Variants in EPB41L5 observed in about 807,000 individuals in gnomAD.
The protein encoded by EPB41L5 is erythrocyte membrane protein band 4.1 like 5.
EPB41L5 carries 55 observed loss-of-function variants against 106.6 expected under a neutral mutation model. The observed-to-expected ratio is 0.52, with a 90% CI of 0.42 to 0.65. The LOEUF is 0.65. EPB41L5 is among the 30% of genes least tolerant of loss of function. The pLI is 0.00. For missense variants in EPB41L5, 871 were observed against 882.1 expected (o/e 0.99, Z 0.16); for synonymous variants, 297 against 306.7 (o/e 0.97, Z 0.33).
intron 21 of EPB41L5, 35 bp from the exon 22 acceptor site, chr2:120,164,801 G>T: frequency 6.8e-7 from 1 of 1,474,028 alleles, no homozygotes; most frequent in South Asian, 1.2e-5. Context: ...TGATAAAGGG[G>T]TCATTTAACA....
At chr2:120,054,584 A>C (rs1574545696) in intron 3 of EPB41L5, among the ~76,000 whole-genome samples, 2 of 150,340 alleles carry the variant, frequency 1.3e-5, no homozygotes, top group South Asian at 2.1e-4. Flanking sequence ...GCTCACTGCA[A>C]CTCCGCCTCC....
At chr2:120,134,326 A>C (rs1685829368) in intron 18 of EPB41L5, among the ~76,000 whole-genome samples, 1 of 152,296 alleles carries the variant, frequency 6.6e-6, no homozygotes. Context: ...CTAGCTCCTT[A>C]GACGGCATTT....
intron 12 of EPB41L5, 41 bp downstream of exon 12, chr2:120,090,557 C>A: frequency 6.4e-7 from 1 of 1,559,224 alleles, no homozygotes. Context: ...TCATTGCATA[C>A]AGGCCAAAAA....
chr2:120,016,427 T>TG (rs1677533093), intron 1 of EPB41L5, among the ~76,000 whole-genome samples: 1 of 149,400 alleles, frequency 6.7e-6, no homozygotes, highest in African/African-American at 2.5e-5. Context: ...TGAGACTGTC[T>TG]CAAAAAAAAA....
chr2:120,064,575 G>T (rs1474796133), intron 3 of EPB41L5, among the ~76,000 whole-genome samples: 3 of 152,160 alleles, frequency 2.0e-5, no homozygotes, highest in Non-Finnish European at 4.4e-5. Flanking sequence ...GATACAAGTA[G>T]ATAATTGTTC....
chr2:120,081,610 A>G (rs1682672449), intron 10 of EPB41L5, among the ~76,000 whole-genome samples: 1 of 152,076 alleles, frequency 6.6e-6, no homozygotes, highest in Non-Finnish European at 1.5e-5. Flanking sequence ...TTGGTTCCGT[A>G]TGAACTTTAA....
At chr2:120,116,371 A>G (rs1008112684) in intron 16 of EPB41L5, among the ~76,000 whole-genome samples, 4 of 152,098 alleles carry the variant, frequency 2.6e-5, no homozygotes, top group Non-Finnish European at 2.9e-5. Context: ...TCCTTTTCCT[A>G]TATGATTGAA....
chr2:120,065,083 T>C (rs1681353569), intron 3 of EPB41L5, among the ~76,000 whole-genome samples: 1 of 152,156 alleles, frequency 6.6e-6, no homozygotes, highest in East Asian at 1.9e-4. Flanking sequence ...AAGATAACTA[T>C]GATCCTTTTT....
chr2:120,138,714 T>A (rs773631280), intron 18 of EPB41L5, among the ~76,000 whole-genome samples: 1 of 152,068 alleles, frequency 6.6e-6, no homozygotes, highest in Non-Finnish European at 1.5e-5. Context: ...TATTCCATGT[T>A]CATGGATTAG....
chr2:120,086,842 T>C (rs1683092004), intron 10 of EPB41L5, among the ~76,000 whole-genome samples: 1 of 152,232 alleles, frequency 6.6e-6, no homozygotes, highest in Non-Finnish European at 1.5e-5. Flanking sequence ...ATGCTGCTGC[T>C]CTGCTTTAAC....
At chr2:120,107,887 A>G (rs181218474) in intron 16 of EPB41L5, among the ~76,000 whole-genome samples, 1 of 152,324 alleles carries the variant, frequency 6.6e-6, no homozygotes, top group East Asian at 1.9e-4. Context: ...ATTCCTGACA[A>G]TTGCTAATGT....
chr2:120,096,704 T>A (rs1683779884), intron 14 of EPB41L5, among the ~76,000 whole-genome samples: 1 of 152,090 alleles, frequency 6.6e-6, no homozygotes, highest in South Asian at 2.1e-4. Flanking sequence ...ACAGGAGAAT[T>A]GCTTTAACCC....
intron 17 of EPB41L5, among the ~76,000 whole-genome samples, chr2:120,130,509 G>A (rs1340487874): frequency 3.9e-5 from 6 of 152,148 alleles, no homozygotes; most frequent in African/African-American, 1.4e-4. Flanking sequence ...GCAGAAAAAG[G>A]TTTAACAACA....
chr2:120,022,777 G>A (rs952047145), intron 2 of EPB41L5, among the ~76,000 whole-genome samples: 7 of 152,236 alleles, frequency 4.6e-5, no homozygotes, highest in Middle Eastern at 3.4e-3. Context: ...CACAATGGTT[G>A]AACTAATTTA....
chr2:120,078,746 A>G (rs1267008156), intron 10 of EPB41L5, among the ~76,000 whole-genome samples, 165 bp downstream of exon 10: 2 of 152,182 alleles, frequency 1.3e-5, no homozygotes, highest in Non-Finnish European at 2.9e-5. Flanking sequence ...CCTACTCTCC[A>G]GAGGCAATTA....
At chr2:120,089,112 T>C (rs1299103926) in intron 11 of EPB41L5, among the ~76,000 whole-genome samples, 1 of 152,192 alleles carries the variant, frequency 6.6e-6, no homozygotes, top group African/African-American at 2.4e-5. Flanking sequence ...ATACAATGTG[T>C]AATTATCAAA....
intron 3 of EPB41L5, among the ~76,000 whole-genome samples, chr2:120,047,903 C>T (rs1213274493): frequency 6.6e-6 from 1 of 152,192 alleles, no homozygotes; most frequent in Non-Finnish European, 1.5e-5. Context: ...GCCTTTTCTG[C>T]ATCTATTGAG....
chr2:120,167,616 A>G, intron 23 of EPB41L5, 109 bp downstream of exon 23: 1 of 1,238,014 alleles, frequency 8.1e-7, no homozygotes, highest in Non-Finnish European at 1.2e-6. Context: ...TTGTTATCAA[A>G]GCCTTGTTAA....
chr2:120,077,466 T>C (rs946686276), intron 9 of EPB41L5, 150 bp downstream of exon 9: 1 of 498,434 alleles, frequency 2.0e-6, no homozygotes, highest in Non-Finnish European at 3.5e-6. Context: ...TGAGATTAAA[T>C]ACCAAATGAC....
Sources: allele counts gnomAD v4.1 joint callset (sites outside exome capture counted in the v4.1 genomes callset), GRCh38; gene constraint gnomAD v4.1.1; transcripts MANE v1.5; gene names NCBI Gene and HGNC (gene_info 2026-07-23, HGNC 2026-07-21).